DEPDC7: variants seen among roughly 807,000 people sequenced by gnomAD.
DEPDC7 encodes the protein DEP domain-containing protein 7.
A neutral mutation model predicts 56.6 loss-of-function variants in DEPDC7; 41 were observed. The observed-to-expected ratio is 0.72, with a 90% confidence interval of 0.56 to 0.94. DEPDC7 has a LOEUF of 0.94. Ranked by LOEUF, DEPDC7 falls within the 40% of genes least tolerant of loss-of-function variation. The pLI, the probability that DEPDC7 is intolerant of heterozygous loss-of-function variation, is 0.00. For missense variants in DEPDC7, 522 were observed against 596.3 expected (o/e 0.88, Z 1.30); for synonymous variants, 185 against 208.8 (o/e 0.89, Z 0.98).
At position 33,016,037 on chromosome 11, in the gene DEPDC7, C is replaced by G. The variant is rs754779765; in HGVS notation, c.73+9C>G. 14 of 1,494,384 alleles carry G rather than the reference C, an allele frequency of 9.4e-6. No homozygotes were observed. The highest frequency in any genetic ancestry group is 4.4e-5 in the Admixed American group (2 of 45,100). 92.6% of individuals were successfully genotyped at this position (1,494,384 alleles called of 1,614,324 possible). A position where few individuals can be genotyped will look rare whatever the true frequency, so the allele number is the denominator to read the frequency against. ...CGCGCACAGGCCTCCGGGTAGGTGC[C>G]GAGGACTGCCGCCTGGGATGGCGCG... On this transcript the variant is annotated intron_variant, in intron 1 of 8. Transcript: ENST00000241051.
intron 1 of DEPDC7, among the ~76,000 whole-genome samples, chr11:33,024,199 G>A (rs1677578228): frequency 6.6e-6 from 1 of 152,166 alleles, no homozygotes; most frequent in Non-Finnish European, 1.5e-5. Flanking sequence ...TAATTACAAT[G>A]AGGAAAAATG....
intron 1 of DEPDC7, among the ~76,000 whole-genome samples, chr11:33,017,544 C>T (rs1853476797): frequency 6.6e-6 from 1 of 152,158 alleles, no homozygotes; most frequent in South Asian, 2.1e-4. Flanking sequence ...CTGCAGTGGA[C>T]GGAGAGGGGC....
chr11:33,024,301 C>CA (rs2133661267), intron 1 of DEPDC7, among the ~76,000 whole-genome samples: 1 of 152,300 alleles, frequency 6.6e-6, no homozygotes, highest in Non-Finnish European at 1.5e-5. Context: ...TGCAATAGGT[C>CA]ATAAGCTCCT....
Position 33,032,666 on chromosome 11 carries a change from A to G in DEPDC7, c.1138-2A>G. Reference sequence around the variant, plus strand: ...TTGGATATATTTGTTTTATTTTTATAGAGTGACAACCGAATGGTTGTGAAA... The same window carrying G: ...TTGGATATATTTGTTTTATTTTTATGGAGTGACAACCGAATGGTTGTGAAA... On this transcript the variant is annotated splice_acceptor_variant, in intron 6 of 8. Transcript: ENST00000241051. LOFTEE classifies it high-confidence loss of function. 3 of 1,562,370 alleles carry G rather than the reference A, an allele frequency of 1.9e-6. No homozygotes were observed. The South Asian group carries it at 3.6e-5, about 19-fold the overall frequency.
At chr11:33,019,672 G>T (rs115591211) in intron 1 of DEPDC7, among the ~76,000 whole-genome samples, 1,592 of 151,328 alleles carry the variant, frequency 0.011, 37 homozygotes, top group African/African-American at 0.036. Context: ...TCTCAAAAAA[G>T]AAAAAAAAGT....
At chr11:33,016,860 G>A (rs562549254) in intron 1 of DEPDC7, among the ~76,000 whole-genome samples, 143 of 152,292 alleles carry the variant, frequency 9.4e-4, no homozygotes, top group African/African-American at 3.1e-3. Flanking sequence ...GATAACCCTT[G>A]GCTTTTTTCT....
At chr11:33,016,193 C>G (rs546937259) in intron 1 of DEPDC7, 165 bp downstream of exon 1, 6 of 1,267,960 alleles carry the variant, frequency 4.7e-6, no homozygotes, top group Non-Finnish European at 5.9e-6. Context: ...ACGCCCCCGC[C>G]GAGCGGGCGG....
rs1853593929 is a variant in DEPDC7 at position 33,027,778 on chromosome 11, C to T, written c.557C>T (p.Pro186Leu). The change falls in exon 3 of 9, where the codon CCT becomes CTT. Residue 186 changes from proline to leucine, a missense_variant. By Grantham distance (98) the Pro-to-Leu change is moderately conservative (BLOSUM62 -3). Coordinates refer to ENST00000241051, the MANE Select transcript of DEPDC7 (RefSeq NM_001077242.2). ...CTGAGTTTAAAGCCTGCCAACTCCC[C>T]TCATGTAAATATCTCTGCAACCTTG... is the stretch of plus-strand genomic sequence containing the variant. ...ENLSLKPANS[P>L]HVNISATLSP... is the part of the protein sequence containing the mutation. 6.3e-7 allele frequency: 1 copy of T among 1,576,466 alleles called. No homozygotes were observed. The highest frequency in any genetic ancestry group is 8.6e-7 in the Non-Finnish European group (1 of 1,165,478).
chr11:33,026,698 T>A (rs538823196), intron 2 of DEPDC7: 6 of 153,786 alleles, frequency 3.9e-5, no homozygotes, highest in Non-Finnish European at 8.7e-5. Context: ...ATTGTCTGCC[T>A]TTTGGGCTCA....
chr11:33,029,999 G>T (rs926798858), intron 4 of DEPDC7, among the ~76,000 whole-genome samples: 1 of 151,596 alleles, frequency 6.6e-6, no homozygotes, highest in Non-Finnish European at 1.5e-5. Flanking sequence ...TCTCTCTGTC[G>T]CCCAGGCTGG....
At chr11:33,025,609 A>G (rs772165913) in intron 1 of DEPDC7, 50 bp from the exon 2 acceptor site, 1 of 1,535,768 alleles carries the variant, frequency 6.5e-7, no homozygotes, top group Admixed American at 2.0e-5. Context: ...CCTTATTACA[A>G]ATGAACAAGG....
chr11:33,027,970 C>G, intron 3 of DEPDC7, 157 bp downstream of exon 3: 1 of 672,868 alleles, frequency 1.5e-6, no homozygotes, highest in Non-Finnish European at 2.2e-6. Flanking sequence ...TAACAGAAGT[C>G]TATTATCTTT....
chr11:33,027,463 C>T (rs1037128793), intron 2 of DEPDC7, among the ~76,000 whole-genome samples: 1 of 152,220 alleles, frequency 6.6e-6, no homozygotes, highest in South Asian at 2.1e-4. Context: ...AGATTTTAGT[C>T]ATTGAATTAG....
intron 3 of DEPDC7, 47 bp from the exon 4 acceptor site, chr11:33,028,556 A>G (rs1727339663): frequency 1.4e-6 from 2 of 1,455,676 alleles, no homozygotes; most frequent in African/African-American, 1.4e-5. Context: ...GTGAGCATAT[A>G]GTAACTATTA....
chr11:33,030,386 G>A (rs1853620781), intron 4 of DEPDC7, among the ~76,000 whole-genome samples: 1 of 152,118 alleles, frequency 6.6e-6, no homozygotes, highest in Non-Finnish European at 1.5e-5. Context: ...TACCTCACCT[G>A]GCTGAATTAG....
At chr11:33,017,720 G>A (rs927476122) in intron 1 of DEPDC7, among the ~76,000 whole-genome samples, 1 of 152,178 alleles carries the variant, frequency 6.6e-6, no homozygotes, top group Non-Finnish European at 1.5e-5. Flanking sequence ...GTGTGCTCTG[G>A]CAGGCAGCTT....
intron 1 of DEPDC7, among the ~76,000 whole-genome samples, chr11:33,017,459 G>A (rs931942296): frequency 1.3e-5 from 2 of 152,164 alleles, no homozygotes; most frequent in Admixed American, 6.5e-5. Context: ...CAGAAATTAA[G>A]TAGATAACTC....
intron 1 of DEPDC7, among the ~76,000 whole-genome samples, chr11:33,018,320 A>T (rs1853485983): frequency 6.6e-6 from 1 of 152,234 alleles, no homozygotes; most frequent in Admixed American, 6.5e-5. Context: ...TTTGGTTACT[A>T]TCCAACAAAT....
At chr11:33,030,710 A>G (rs1011414498) in intron 4 of DEPDC7, among the ~76,000 whole-genome samples, 4 of 151,930 alleles carry the variant, frequency 2.6e-5, no homozygotes, top group Non-Finnish European at 4.4e-5. Context: ...CAGCCTCCCA[A>G]GTATCTTGGA....
Sources: gnomAD v4.1 joint callset for allele counts (sites outside exome capture counted in the v4.1 genomes callset) on GRCh38, gnomAD v4.1.1 for gene constraint, MANE v1.5 for transcripts, NCBI Gene and HGNC (gene_info 2026-07-23, HGNC 2026-07-21) for gene names.